The following RARB variants were observed in gnomAD, a reference collection of about 807,000 sequenced individuals.
RARB encodes the protein retinoic acid receptor beta.
A neutral mutation model predicts 51.9 loss-of-function variants in RARB; 17 were observed. The ratio of observed to expected loss-of-function variants is 0.33; its 90% CI spans 0.22 to 0.49. The LOEUF (loss-of-function observed/expected upper bound fraction) is 0.49, where lower values mean the gene tolerates loss of function less well. RARB is among the 20% of genes least tolerant of loss of function. The pLI, the probability that RARB is intolerant of heterozygous loss-of-function variation, is 0.99. For missense variants in RARB, 369 were observed against 550.8 expected (o/e 0.67, Z 3.30); for synonymous variants, 215 against 195.4 (o/e 1.10, Z -0.84).
At chr3:24,944,237 T>C (rs1346759841) in intron 2 of RARB, among the ~76,000 whole-genome samples, 2 of 152,178 alleles carry the variant, frequency 1.3e-5, no homozygotes, top group Non-Finnish European at 2.9e-5. Flanking sequence ...TGTCTGGCCT[T>C]CTCATTTGTT....
At chr3:25,091,743 A>T (rs1699203114) in intron 3 of RARB, among the ~76,000 whole-genome samples, 1 of 152,150 alleles carries the variant, frequency 6.6e-6, no homozygotes, top group Non-Finnish European at 1.5e-5. Flanking sequence ...ACATCTGTAT[A>T]AAAAAAGACA....
chr3:25,347,588 C>T (rs957050610), intron 5 of RARB, among the ~76,000 whole-genome samples: 11 of 152,148 alleles, frequency 7.2e-5, no homozygotes, highest in African/African-American at 2.7e-4. Flanking sequence ...AACGCAGTGA[C>T]AAAGGAGCCC....
intron 1 of RARB, among the ~76,000 whole-genome samples, chr3:25,449,839 C>T (rs1280579771): frequency 6.6e-6 from 1 of 151,960 alleles, no homozygotes; most frequent in Non-Finnish European, 1.5e-5. Flanking sequence ...GCAACCTCCA[C>T]CTCCTGGGTT....
intron 2 of RARB, among the ~76,000 whole-genome samples, chr3:24,879,659 T>C (rs1335478843): frequency 2.6e-5 from 4 of 151,978 alleles, no homozygotes; most frequent in Non-Finnish European, 5.9e-5. Context: ...CCTGATCTTT[T>C]AAACAAAAAA....
intron 2 of RARB, among the ~76,000 whole-genome samples, chr3:25,040,977 C>A (rs1698102377): frequency 6.6e-6 from 1 of 152,154 alleles, no homozygotes; most frequent in Admixed American, 6.5e-5. Flanking sequence ...ATCATTCATG[C>A]TGTATCAACG....
intron 3 of RARB, among the ~76,000 whole-genome samples, chr3:25,092,059 C>T (rs1304383222): frequency 6.6e-6 from 1 of 152,108 alleles, no homozygotes; most frequent in Non-Finnish European, 1.5e-5. Flanking sequence ...CTCTGCCTCA[C>T]TATAGCTTAA....
chr3:24,907,909 G>A (rs540176690), intron 2 of RARB, among the ~76,000 whole-genome samples: 4 of 151,912 alleles, frequency 2.6e-5, no homozygotes, highest in East Asian at 1.9e-4. Context: ...TCGTCTTCAC[G>A]GGTCTCTTAG....
chr3:25,194,011 G>T lies in RARB; in HGVS notation c.178+19436G>T, dbSNP rs574915585. ...GCCAAGATACGGAAGCAGCCTAGGT[G>T]TCCATTAACTGATGAATGGATAAAG... On this transcript the variant is annotated intron_variant, in intron 5 of 11. Coordinates refer to the RARB transcript ENST00000383772. 6.8e-4 allele frequency among the ~76,000 whole-genome samples: 103 copies of T among 151,896 alleles called. 1 individual carries two copies. Among genetic ancestry groups the T allele is most frequent in the Admixed American group, 2.9e-3 (44 of 15,204 alleles).
intron 3 of RARB, among the ~76,000 whole-genome samples, chr3:25,084,795 G>T (rs977985810): frequency 6.6e-6 from 1 of 150,376 alleles, no homozygotes; most frequent in African/African-American, 2.4e-5. Flanking sequence ...TTTTTAATAT[G>T]TATATTTATT....
intron 3 of RARB, among the ~76,000 whole-genome samples, chr3:25,081,621 ATTT>A (rs1168828068): frequency 5.2e-4 from 3 of 5,802 alleles, no homozygotes; most frequent in African/African-American, 1.2e-3. Context: ...ATATATATAT[ATTT>A]TTTTTTTTTT....
At chr3:25,065,048 A>G (rs1698634140) in intron 3 of RARB, among the ~76,000 whole-genome samples, 1 of 152,142 alleles carries the variant, frequency 6.6e-6, no homozygotes, top group African/African-American at 2.4e-5. Context: ...GAAGGAAGTC[A>G]CTATTACCTG....
At chr3:25,076,077 G>T (rs1698864785) in intron 3 of RARB, among the ~76,000 whole-genome samples, 1 of 152,022 alleles carries the variant, frequency 6.6e-6, no homozygotes, top group South Asian at 2.1e-4. Flanking sequence ...TCTGTTCAAA[G>T]ATTTCAGCTG....
intron 5 of RARB, among the ~76,000 whole-genome samples, chr3:25,270,146 A>T (rs1241005924): frequency 6.6e-6 from 1 of 152,160 alleles, no homozygotes; most frequent in African/African-American, 2.4e-5. Flanking sequence ...CATTAATTTC[A>T]CTTATGGGTG....
intron 5 of RARB, among the ~76,000 whole-genome samples, chr3:25,326,774 C>A (rs1704728211): frequency 6.6e-6 from 1 of 151,864 alleles, no homozygotes; most frequent in Non-Finnish European, 1.5e-5. Flanking sequence ...AATAGGTAGG[C>A]TGGATGACAA....
chr3:25,308,138 G>T (rs1320166882), intron 5 of RARB, among the ~76,000 whole-genome samples: 3 of 152,164 alleles, frequency 2.0e-5, no homozygotes, highest in African/African-American at 7.2e-5. Context: ...AAAATTATGT[G>T]TTTGAGTGAG....
rs79574558 is a variant in RARB at position 24,873,506 on chromosome 3, T to C, written c.-380+14754T>C. 3.8e-3 allele frequency among the ~76,000 whole-genome samples: 577 copies of C among 152,214 alleles called. 1 individual carries two copies. Among genetic ancestry groups the C allele is most frequent in the Admixed American group, 5.2e-3 (79 of 15,292 alleles). ...TAGTTATTCTTGACAGAGATTTTAC[T>C]GTGTTTTTCTTTTTTAGTCTTCTCA... On this transcript the variant is annotated intron_variant, in intron 2 of 11. Coordinates refer to the RARB transcript ENST00000383772.
At chr3:24,872,704 G>A (rs1702970755) in intron 2 of RARB, among the ~76,000 whole-genome samples, 1 of 152,082 alleles carries the variant, frequency 6.6e-6, no homozygotes, top group South Asian at 2.1e-4. Context: ...CCATTCATGA[G>A]GGGTCCGCTC....
At chr3:25,387,514 T>A (rs905436525) in intron 5 of RARB, among the ~76,000 whole-genome samples, 2 of 152,174 alleles carry the variant, frequency 1.3e-5, no homozygotes, top group African/African-American at 4.8e-5. Context: ...TTCTGTTTTT[T>A]ATAGTATTCT....
intron 2 of RARB, among the ~76,000 whole-genome samples, chr3:24,914,816 G>A (rs972048958): frequency 5.9e-5 from 9 of 152,254 alleles, no homozygotes; most frequent in South Asian, 4.2e-4. Context: ...AGGGTCCACC[G>A]TACAATGCCC....
Sources: allele counts gnomAD v4.1 joint callset (sites outside exome capture counted in the v4.1 genomes callset), GRCh38; gene constraint gnomAD v4.1.1; transcripts MANE v1.5; gene names NCBI Gene and HGNC (gene_info 2026-07-23, HGNC 2026-07-21).